LAMA5: variants seen among roughly 807,000 people sequenced by gnomAD.
The protein encoded by LAMA5 is laminin subunit alpha-5.
LAMA5 carries 260 observed loss-of-function variants against 433.4 expected under a neutral mutation model. That is an observed-to-expected ratio of 0.60 (90% CI 0.54 to 0.66). The LOEUF (loss-of-function observed/expected upper bound fraction) is 0.66. Among genes scored for constraint, LAMA5 ranks in the 30% least tolerant of loss-of-function variants. The pLI is 0.00. For synonymous variants in LAMA5, 2,620 were observed against 2,226.6 expected (o/e 1.18, Z -4.97); for missense variants, 5,378 against 5,258.5 (o/e 1.02, Z -0.70).
chr20:62,316,209 G>A (rs374919000), intron 57 of LAMA5, 151 bp from the exon 58 acceptor site: 65 of 629,120 alleles, frequency 1.0e-4, no homozygotes, highest in South Asian at 4.5e-4. Context: ...CTTAGCCTGT[G>A]GGGAGGTGTT....
chr20:62,310,335 GAAGA>G, intron 76 of LAMA5, 24 bp from the exon 77 acceptor site: 1 of 1,581,596 alleles, frequency 6.3e-7, no homozygotes, highest in South Asian at 1.2e-5. Context: ...TTGTGATGGA[GAAGA>G]AAGGGGGGGC....
intron 55 of LAMA5, 72 bp downstream of exon 55, chr20:62,317,273 C>T: frequency 2.1e-6 from 3 of 1,430,666 alleles, no homozygotes; most frequent in South Asian, 1.4e-5. Context: ...CTTCCCAGAC[C>T]AGCTGGCCCT....
Position 62,324,916 on chromosome 20 carries a change from C to A in LAMA5, c.5530-362G>T. 6 of 381,198 alleles carry A rather than the reference C, an allele frequency of 1.6e-5. No individual in the cohort carries two copies. In the South Asian group the frequency reaches 1.6e-4, roughly 10 times the overall value. 23.6% of individuals were successfully genotyped at this position (381,198 alleles called of 1,614,324 possible). On this transcript the variant is annotated intron_variant, in intron 41 of 79. Transcript: ENST00000252999. The surrounding 1 kb of genome is among the most constrained non-coding windows in gnomAD (Gnocchi z 4.4). ...TCCTCATACAGAAGGAGCAAAGTTACAGCAGACAGACAGATTAGCAGGGCA... is the reference window on the plus strand; with the variant it reads ...TCCTCATACAGAAGGAGCAAAGTTAAAGCAGACAGACAGATTAGCAGGGCA...
In LAMA5 at chr20:62,367,077, G is replaced by A. The variant is rs1986818511; in HGVS notation, c.169C>T (p.Arg57Cys). ...CCGCAGGTCGCGGAGGCGGCGATGC[G>A]GGCGCCCTCGGCCAGGTTGAAGTAG... ...PPYFNLAEGA[R>C]IAASATCGEE... Residue 57 changes from arginine to cysteine, a missense_variant, in exon 1 of 80, where the codon CGC (arginine) becomes TGC (cysteine). Arg to Cys is a radical substitution (Grantham distance 180). Transcript: ENST00000252999. 5 of 1,260,838 alleles carry A rather than the reference G, an allele frequency of 4.0e-6. No individual in the cohort carries two copies. The highest frequency in any genetic ancestry group is 5.0e-6 in the Non-Finnish European group (5 of 1,005,772). The allele number at this position is 1,260,838 out of a possible 1,614,324, so 78.1% of individuals were successfully genotyped here.
chr20:62,337,044 AC>A (rs750489440), intron 16 of LAMA5: 127 of 660,264 alleles, frequency 1.9e-4, no homozygotes, highest in Non-Finnish European at 2.5e-4. Flanking sequence ...TACATTCCAC[AC>A]GCAGTGTGTG....
At chr20:62,345,519 A>AC (rs1479211869) in intron 11 of LAMA5, 3 of 505,794 alleles carry the variant, frequency 5.9e-6, no homozygotes, top group Non-Finnish European at 1.1e-5. Flanking sequence ...CAATCCTTCC[A>AC]CCTCAGCCTC....
intron 1 of LAMA5, among the ~76,000 whole-genome samples, chr20:62,362,810 T>C (rs1180328224): frequency 6.6e-6 from 1 of 150,632 alleles, no homozygotes; most frequent in Non-Finnish European, 1.5e-5. Flanking sequence ...GGCATCTGCC[T>C]TGGGTGGGAA....
intron 55 of LAMA5, 150 bp downstream of exon 55, chr20:62,317,195 C>T (rs965568916): frequency 1.7e-5 from 20 of 1,156,432 alleles, no homozygotes; most frequent in African/African-American, 9.4e-5. Context: ...TCACTCTGGG[C>T]CCCAGCTTGC....
Position 62,337,590 on chromosome 20 carries a change from C to A in LAMA5, c.2164G>T (p.Ala722Ser), listed in dbSNP as rs954214732. The A allele has an allele frequency of 1.2e-6, 2 of 1,602,812 alleles. No individual in the cohort carries two copies. The highest frequency in any genetic ancestry group is 1.7e-6 in the Non-Finnish European group (2 of 1,175,670). Residue 722 changes from alanine to serine, a missense_variant and splice_region_variant, in exon 16 of 80, where the codon GCT becomes TCT. By Grantham distance (99) the Ala-to-Ser change is moderately conservative. Coordinates refer to ENST00000252999, the MANE Select transcript of LAMA5 (RefSeq NM_005560.6). ...TGCACACAGCCACCTGCCTGCTCAC[C>A]TTCGCAGTAGGGGAAGTTGTAGGCA... is the stretch of plus-strand genomic sequence containing the variant. ...PGAYNFPYCEAGSCHPAGLAP... is the reference protein window; with the variant it reads ...PGAYNFPYCESGSCHPAGLAP...
chr20:62,322,191 G>T, intron 47 of LAMA5, 23 bp from the exon 48 acceptor site: 1 of 1,578,798 alleles, frequency 6.3e-7, no homozygotes, highest in Non-Finnish European at 8.6e-7. Context: ...GCTTGGGTGA[G>T]CATGGCTGGC....
In LAMA5 at chr20:62,318,874, T is replaced by C. The variant is rs1279638783; in HGVS notation, c.7011A>G (p.Ala2337=). The change falls in exon 52 of 80, where the codon GCA becomes GCG. Residue 2337 remains alanine (A), a synonymous_variant. Transcript: ENST00000252999. ...RARDLGAPQA[A]AEAELAAAQR... ...GTGCTGCAGCCAACTCAGCCTCAGC[T>C]GCTGCCTGCGGGGCCCCCAGGTCCC... 6.2e-7 allele frequency: 1 copy of C among 1,609,598 alleles called. No individual in the cohort carries two copies. The highest frequency in any genetic ancestry group is 8.5e-7 in the Non-Finnish European group (1 of 1,179,272).
chr20:62,325,614 A>AC, intron 40 of LAMA5, 68 bp from the exon 41 acceptor site: 2 of 1,043,560 alleles, frequency 1.9e-6, no homozygotes, highest in Admixed American at 2.4e-5. Context: ...CCTAGAACAG[A>AC]CCCCCCAACC....
Position 62,329,215 on chromosome 20 carries a change from A to G in LAMA5, c.4158T>C (p.Phe1386=). ...CCAGGGGCTCCTCCCGGAGGTAGCC[A>G]AAGCTGTAGACGTTCTCAGGGACCA... ...VLVVPENVYS[F]GYLREEPLDK... Residue 1386 remains phenylalanine (F), a synonymous_variant, in exon 33 of 80, where the codon TTT becomes TTC. Transcript: ENST00000252999. 6.2e-7 allele frequency: 1 copy of G among 1,612,808 alleles called. No individual in the cohort carries two copies.
Position 62,320,489 on chromosome 20 carries a change from G to A in LAMA5, c.6759+70C>T, listed in dbSNP as rs1327388787. On this transcript the variant is annotated intron_variant, in intron 50 of 79. Transcript: ENST00000252999. ...AGGCATGAAGTAACATCTGCTGAAT[G>A]AGGACAAGCGAACCGCGGGGAACAC... The A allele has an allele frequency of 2.5e-5, 29 of 1,177,824 alleles. No individual in the cohort carries two copies. In the East Asian group the frequency reaches 3.8e-4, roughly 15 times the overall value. The allele number at this position is 1,177,824 out of a possible 1,614,324, so 73.0% of individuals were successfully genotyped here.
rs13037042 is a variant in LAMA5 at position 62,359,664 on chromosome 20, C to T, written c.450+2736G>A. Among the ~76,000 whole-genome samples, 483 of 152,186 alleles carry T rather than the reference C, an allele frequency of 3.2e-3. 1 individual carries two copies. Among genetic ancestry groups the T allele is most frequent in the Non-Finnish European group, 4.9e-3 (335 of 67,976 alleles). On this transcript the variant is annotated intron_variant, in intron 2 of 79. Coordinates refer to ENST00000252999, the MANE Select transcript of LAMA5 (RefSeq NM_005560.6). The surrounding 1 kb of genome is among the most constrained non-coding windows in gnomAD (Gnocchi z 4.3). ...TGCCCCCTGAGTCACCAGTGACCAG[C>T]GCTGGAGCCTCTTCCTGAGGCCCCA...
intron 55 of LAMA5, 147 bp from the exon 56 acceptor site, chr20:62,317,170 G>C: frequency 8.5e-7 from 1 of 1,181,598 alleles, no homozygotes; most frequent in Non-Finnish European, 1.1e-6. Context: ...TCGCCTGCTG[G>C]GTGTACTGCT....
chr20:62,351,775 G>A lies in LAMA5; in HGVS notation c.885C>T (p.Ser295=), dbSNP rs1293384815. ...RRYYYSIKDI[S]IGGRCVCHGH... is the part of the protein sequence containing the mutation. ...CGTGGCAGACACAGCGGCCTCCGATGCTGATATCCTTGATGCTGTAATAAT... is the reference window on the plus strand; with the variant it reads ...CGTGGCAGACACAGCGGCCTCCGATACTGATATCCTTGATGCTGTAATAAT... The change falls in exon 6 of 80, where the codon AGC becomes AGT. Residue 295 remains serine, a synonymous_variant. Coordinates refer to ENST00000252999, the MANE Select transcript of LAMA5 (RefSeq NM_005560.6). The A allele has an allele frequency of 1.2e-6, 2 of 1,610,446 alleles. No homozygotes were observed. Among genetic ancestry groups the A allele is most frequent in the African/African-American group, 1.3e-5 (1 of 74,938 alleles).
rs11466846 is a variant in LAMA5 at position 62,341,826 on chromosome 20, CAAAAA to C, written c.1478-3223_1478-3219del. On this transcript the variant is annotated intron_variant, in intron 11 of 79. Transcript: ENST00000252999. Reference sequence around the variant, plus strand: ...CGAACCTCTGTTAGGTCTGATCAACCAAAAAAAAAAAAAAAAAAAAAGAAGAAGAA... The same window carrying C: ...CGAACCTCTGTTAGGTCTGATCAACCAAAAAAAAAAAAAAAAGAAGAAGAA... 2.8e-3 allele frequency among the ~76,000 whole-genome samples: 354 copies of C among 128,118 alleles called. 1 individual carries two copies. The highest frequency in any genetic ancestry group is 0.012 in the African/African-American group (325 of 26,550). The allele number at this position is 128,118 out of a possible 152,430, so 84.1% of individuals were successfully genotyped here. A position where few individuals can be genotyped will look rare whatever the true frequency, so the allele number is the denominator to read the frequency against.
chr20:62,349,807 G>GGC (rs1298137990), intron 6 of LAMA5, among the ~76,000 whole-genome samples: 1 of 87,974 alleles, frequency 1.1e-5, no homozygotes, highest in African/African-American at 3.2e-5. Context: ...GACGGTGATG[G>GGC]TGGGGGTGAT....
Sources: allele counts gnomAD v4.1 joint callset (sites outside exome capture counted in the v4.1 genomes callset), GRCh38; gene constraint gnomAD v4.1.1; non-coding constraint Gnocchi (gnomAD v3.1); transcripts MANE v1.5; gene names NCBI Gene and HGNC (gene_info 2026-07-23, HGNC 2026-07-21).